Variants in ECM2 observed in about 807,000 individuals in gnomAD.
ECM2 encodes extracellular matrix protein 2, also known as extracellular matrix protein 2, female organ and adipocyte specific.
A neutral mutation model predicts 67.5 loss-of-function variants in ECM2; 57 were observed. The ratio of observed to expected loss-of-function variants is 0.84; its 90% CI spans 0.68 to 1.05. ECM2 has a LOEUF of 1.05. Ranked by LOEUF, ECM2 falls within the 50% of genes least tolerant of loss-of-function variation. The pLI is 0.00. For missense variants in ECM2, 741 were observed against 822.8 expected, an observed-to-expected ratio of 0.90 and a Z score of 1.22; for synonymous variants, 258 against 294.5, an observed-to-expected ratio of 0.88 and a Z score of 1.27.
intron 1 of ECM2, among the ~76,000 whole-genome samples, chr9:92,531,155 C>T (rs1200550510): frequency 1.3e-5 from 2 of 151,862 alleles, no homozygotes; most frequent in African/African-American, 2.4e-5. Flanking sequence ...TTGAAATATA[C>T]TTTCTATTTG....
At chr9:92,548,581 A>G in the ECM2 span, among the ~76,000 whole-genome samples, 53 of 152,374 alleles carry the variant, frequency 3.5e-4, no homozygotes, top group African/African-American at 9.6e-4. Flanking sequence ...AAATTAAAAA[A>G]TAATTGTCTT....
At chr9:92,550,370 TG>T in the ECM2 span, among the ~76,000 whole-genome samples, 1 of 146,564 alleles carries the variant, frequency 6.8e-6, no homozygotes, top group Non-Finnish European at 1.5e-5. Context: ...CACTCCAGCC[TG>T]GGTGACAGAG....
chr9:92,549,708 A>G, the ECM2 span, among the ~76,000 whole-genome samples: 173 of 152,018 alleles, frequency 1.1e-3, no homozygotes, highest in African/African-American at 3.9e-3. Flanking sequence ...TTGCCAAAGG[A>G]ATTTCCCAGA....
intron 3 of ECM2, among the ~76,000 whole-genome samples, chr9:92,516,071 T>G (rs528311989): frequency 7.1e-6 from 1 of 140,330 alleles, no homozygotes; most frequent in Non-Finnish European, 1.6e-5. Context: ...ATACTTTTTT[T>G]TCCCCCCCCC....
chr9:92,520,745 T>A lies in ECM2; in HGVS notation c.292+1830A>T, dbSNP rs564173168. Reference sequence around the variant, plus strand: ...GGTAGACAATATGGATAAACAAATATGGTATAGCCATACAATGGAATATTA... The same window carrying A: ...GGTAGACAATATGGATAAACAAATAAGGTATAGCCATACAATGGAATATTA... On this transcript the variant is annotated intron_variant, in intron 2 of 9. Coordinates refer to ENST00000344604, the MANE Select transcript of ECM2 (RefSeq NM_001393.4). 2.0e-5 allele frequency among the ~76,000 whole-genome samples: 3 copies of A among 152,322 alleles called. No homozygotes were observed. The East Asian group carries it at 5.8e-4, about 29-fold the overall frequency.
chr9:92,543,343 C>T, the ECM2 span, among the ~76,000 whole-genome samples: 13 of 151,688 alleles, frequency 8.6e-5, no homozygotes, highest in East Asian at 1.9e-4. Flanking sequence ...CATGGTGGTA[C>T]GTACCTGTAG....
intron 1 of ECM2, among the ~76,000 whole-genome samples, chr9:92,525,310 T>C (rs146032823): frequency 0.04 from 6,043 of 150,144 alleles, 183 homozygotes; most frequent in South Asian, 0.099. Context: ...AGAGCGAGAC[T>C]CTGTCTCAAA....
At chr9:92,500,592 A>T (rs1043699682) in intron 9 of ECM2, 135 bp downstream of exon 9, 1 of 818,688 alleles carries the variant, frequency 1.2e-6, no homozygotes, top group African/African-American at 1.7e-5. Context: ...AACATTTGCC[A>T]ATCTTGTTTA....
chr9:92,512,156 A>G, intron 4 of ECM2, 30 bp from the exon 5 acceptor site: 1 of 1,487,412 alleles, frequency 6.7e-7, no homozygotes, highest in African/African-American at 1.4e-5. Context: ...TGTTTTAGGC[A>G]TGTGTGCATA....
chr9:92,512,169 C>T, intron 4 of ECM2, 43 bp from the exon 5 acceptor site: 1 of 1,343,724 alleles, frequency 7.4e-7, no homozygotes, highest in Non-Finnish European at 1.1e-6. Context: ...TGTGCATATA[C>T]ATACATGTAC....
Position 92,506,109 on chromosome 9 carries a change from A to C in ECM2, c.1307-419T>G, listed in dbSNP as rs145986468. On this transcript the variant is annotated intron_variant, in intron 6 of 9. Transcript: ENST00000344604. ...GTCATTGGAAACATTGCAAAGACAT[A>C]GATGTATGAAGTGGCAGCATAATAG... Among the ~76,000 whole-genome samples the C allele has an allele frequency of 2.0e-3, 303 of 152,338 alleles. 1 individual carries two copies. Among genetic ancestry groups the C allele is most frequent in the Non-Finnish European group, 3.5e-3 (240 of 68,022 alleles).
chr9:92,496,710 T>C (rs1050836164), intron 9 of ECM2, among the ~76,000 whole-genome samples: 1 of 152,212 alleles, frequency 6.6e-6, no homozygotes, highest in Non-Finnish European at 1.5e-5. Flanking sequence ...TCTTTCTGTA[T>C]GTGATTTGAA....
At chr9:92,554,278 G>A in the ECM2 span, among the ~76,000 whole-genome samples, 3 of 151,922 alleles carry the variant, frequency 2.0e-5, no homozygotes. Context: ...CTGCCTCCCA[G>A]GTTCAAGTGA....
At chr9:92,533,142 CA>C (rs149924321) in intron 1 of ECM2, among the ~76,000 whole-genome samples, 3 of 148,310 alleles carry the variant, frequency 2.0e-5, no homozygotes, top group Admixed American at 6.8e-5. Flanking sequence ...ATTAAAAATA[CA>C]AAAAAAATTA....
intron 1 of ECM2, among the ~76,000 whole-genome samples, chr9:92,535,561 A>G (rs546363716): frequency 6.6e-6 from 1 of 152,286 alleles, no homozygotes; most frequent in African/African-American, 2.4e-5. Context: ...TTAAAATTCT[A>G]CATGAAGTCA....
chr9:92,495,276 G>A (rs1846292254), downstream of ECM2: 1 of 773,212 alleles, frequency 1.3e-6, no homozygotes, highest in Non-Finnish European at 1.6e-6. Flanking sequence ...TTCTATATGT[G>A]TCTTATAAAT....
the ECM2 span, among the ~76,000 whole-genome samples, chr9:92,551,425 C>T: frequency 6.6e-6 from 1 of 152,130 alleles, no homozygotes; most frequent in Non-Finnish European, 1.5e-5. Flanking sequence ...GTAGCTTCAA[C>T]CTCCCAGGCT....
chr9:92,511,586 A>G (rs1485921273), intron 5 of ECM2, among the ~76,000 whole-genome samples: 2 of 152,042 alleles, frequency 1.3e-5, no homozygotes, highest in Non-Finnish European at 2.9e-5. Flanking sequence ...CTGCCAAAGT[A>G]TCCTCCATCA....
intron 1 of ECM2, among the ~76,000 whole-genome samples, chr9:92,534,376 A>T (rs1420464680): frequency 6.6e-6 from 1 of 152,158 alleles, no homozygotes; most frequent in Non-Finnish European, 1.5e-5. Context: ...GTCAGGTTTC[A>T]CTTAGTTAGT....
Sources: gnomAD v4.1 joint callset for allele counts (sites outside exome capture counted in the v4.1 genomes callset) on GRCh38, gnomAD v4.1.1 for gene constraint, MANE v1.5 for transcripts, NCBI Gene and HGNC (gene_info 2026-07-23, HGNC 2026-07-21) for gene names.